CSMD3: variants seen among roughly 807,000 people sequenced by gnomAD.
CSMD3 encodes CUB and Sushi multiple domains 3, also known as CUB and sushi domain-containing protein 3.
A neutral mutation model predicts 435.2 loss-of-function variants in CSMD3; 177 were observed. That is an observed-to-expected ratio of 0.41 (90% CI 0.36 to 0.46). CSMD3 has a LOEUF of 0.46. Ranked by LOEUF, CSMD3 falls within the 20% of genes least tolerant of loss-of-function variation. The pLI, the probability that CSMD3 is intolerant of heterozygous loss-of-function variation, is 0.34. For missense variants in CSMD3, 4,265 were observed against 4,504.6 expected, an observed-to-expected ratio of 0.95 and a Z score of 1.52; for synonymous variants, 1,656 against 1,520.5, an observed-to-expected ratio of 1.09 and a Z score of -2.07.
At chr8:112,468,261 A>G (rs891361392) in intron 32 of CSMD3, among the ~76,000 whole-genome samples, 1 of 124,048 alleles carries the variant, frequency 8.1e-6, no homozygotes, top group African/African-American at 3.2e-5. Context: ...TTTTTTACCA[A>G]TTGATCCACC....
At chr8:113,262,697 A>G (rs1476002130) in intron 3 of CSMD3, among the ~76,000 whole-genome samples, 4 of 152,034 alleles carry the variant, frequency 2.6e-5, no homozygotes, top group Admixed American at 6.6e-5. Context: ...AGCCTCTAAA[A>G]CGTAAGAAAA....
intron 4 of CSMD3, among the ~76,000 whole-genome samples, chr8:113,168,519 C>CAAAAA (rs71281204): frequency 1.2e-4 from 2 of 17,018 alleles, no homozygotes; most frequent in African/African-American, 3.8e-4. Context: ...GACTCTGTCT[C>CAAAAA]AAAAAAAAAA....
chr8:113,063,880 A>G (rs1008506201), intron 5 of CSMD3, among the ~76,000 whole-genome samples: 1 of 151,834 alleles, frequency 6.6e-6, no homozygotes, highest in East Asian at 1.9e-4. Flanking sequence ...CAGCAAATAG[A>G]TGATAGTAAT....
rs191397136 is a variant in CSMD3, at chr8:112,832,912, T to C, written c.1756-3123A>G. Among the ~76,000 whole-genome samples, 8 of 152,302 alleles carry C rather than the reference T, an allele frequency of 5.3e-5. No homozygotes were observed. In the East Asian group the frequency reaches 1.5e-3, roughly 29 times the overall value. ...AGTTGTCTCAATACTTTTTATTTAA[T>C]AAATAGCCCTTCTTTCTCCAATGAT... On this transcript the variant is annotated intron_variant, in intron 11 of 70. Coordinates refer to ENST00000297405, the MANE Select transcript of CSMD3 (RefSeq NM_198123.2).
intron 13 of CSMD3, among the ~76,000 whole-genome samples, chr8:112,747,668 A>G (rs2077464224): frequency 6.6e-6 from 1 of 152,180 alleles, no homozygotes; most frequent in Non-Finnish European, 1.5e-5. Flanking sequence ...CTGTGTCTCT[A>G]TAAAACTTTA....
intron 10 of CSMD3, among the ~76,000 whole-genome samples, chr8:112,859,502 G>A (rs566269673): frequency 1.3e-4 from 19 of 151,630 alleles, no homozygotes; most frequent in Non-Finnish European, 2.5e-4. Context: ...AGAAATTTGA[G>A]GGCATGATAA....
At chr8:112,283,263 T>C (rs1395098698) in intron 58 of CSMD3, among the ~76,000 whole-genome samples, 3 of 151,936 alleles carry the variant, frequency 2.0e-5, no homozygotes, top group Non-Finnish European at 4.4e-5. Context: ...AATTGAATTT[T>C]TTTTTGTGAT....
At chr8:112,234,343 A>G in intron 68 of CSMD3, 22 bp downstream of exon 68, 1 of 1,417,950 alleles carries the variant, frequency 7.1e-7, no homozygotes. Context: ...TCAGCAGCAG[A>G]TGTTAAAATA....
chr8:113,378,649 G>A (rs886418567), intron 1 of CSMD3, among the ~76,000 whole-genome samples: 11 of 152,122 alleles, frequency 7.2e-5, no homozygotes, highest in African/African-American at 2.2e-4. Context: ...GAATGTCTAC[G>A]TGCAAGAATG....
chr8:113,186,358 AAAC>A (rs2092501749), intron 3 of CSMD3, among the ~76,000 whole-genome samples: 1 of 151,998 alleles, frequency 6.6e-6, no homozygotes, highest in Non-Finnish European at 1.5e-5. Context: ...ACTGATGGAA[AAAC>A]AACATGTAAT....
Position 113,035,445 on chromosome 8 carries a change from G to C in CSMD3, c.918-16266C>G, listed in dbSNP as rs144944305. ...TTAATGACATTCTGAACAAAGACAA[G>C]ACTATACAAATGGAAATCAGAACAG... is the stretch of plus-strand genomic sequence containing the variant. On this transcript the variant is annotated intron_variant, in intron 5 of 70. Coordinates refer to ENST00000297405, the MANE Select transcript of CSMD3 (RefSeq NM_198123.2). Among the ~76,000 whole-genome samples the C allele has an allele frequency of 4.3e-3, 659 of 152,058 alleles. 1 individual carries two copies. Among genetic ancestry groups the C allele is most frequent in the Middle Eastern group, 0.014 (4 of 294 alleles).
At chr8:113,377,244 A>G (rs1563762174) in intron 1 of CSMD3, 2 of 626,776 alleles carry the variant, frequency 3.2e-6, no homozygotes, top group Non-Finnish European at 4.4e-6. Context: ...GGATACAAAA[A>G]CAAACCGTGG....
chr8:113,112,021 C>T (rs1007831368), intron 4 of CSMD3, among the ~76,000 whole-genome samples: 6 of 151,930 alleles, frequency 3.9e-5, no homozygotes, highest in African/African-American at 1.5e-4. Context: ...CCTTCTTCTT[C>T]TTCTTACTCC....
chr8:112,660,135 C>A (rs1266166483), intron 17 of CSMD3, among the ~76,000 whole-genome samples: 3 of 152,010 alleles, frequency 2.0e-5, no homozygotes, highest in Non-Finnish European at 4.4e-5. Context: ...AAAGAGTTGG[C>A]AACTAGTGTC....
At chr8:113,194,614 T>G (rs1327482735) in intron 3 of CSMD3, among the ~76,000 whole-genome samples, 2 of 151,298 alleles carry the variant, frequency 1.3e-5, no homozygotes, top group Non-Finnish European at 3.0e-5. Context: ...TGATACAGAA[T>G]GCTAATCCTG....
intron 13 of CSMD3, among the ~76,000 whole-genome samples, chr8:112,777,504 T>C (rs904264275): frequency 6.6e-6 from 1 of 151,834 alleles, no homozygotes; most frequent in Non-Finnish European, 1.5e-5. Flanking sequence ...CACGATTATT[T>C]TAAAAGGTGT....
intron 13 of CSMD3, among the ~76,000 whole-genome samples, chr8:112,776,666 A>C (rs1280676392): frequency 6.6e-6 from 1 of 151,768 alleles, no homozygotes; most frequent in Admixed American, 6.6e-5. Flanking sequence ...TGTGAGCTTG[A>C]CCAAAAATCC....
chr8:113,322,969 C>T (rs907659209), intron 1 of CSMD3, among the ~76,000 whole-genome samples: 1 of 152,094 alleles, frequency 6.6e-6, no homozygotes, highest in African/African-American at 2.4e-5. Flanking sequence ...TGGTCTCAAA[C>T]TCCTGACCTC....
intron 10 of CSMD3, among the ~76,000 whole-genome samples, chr8:112,888,204 A>T (rs557247480): frequency 3.7e-4 from 56 of 151,788 alleles, no homozygotes; most frequent in African/African-American, 1.3e-3. Flanking sequence ...AAACAAGTGG[A>T]AATGAAACAG....
Sources: gnomAD v4.1 joint callset for allele counts (sites outside exome capture counted in the v4.1 genomes callset) on GRCh38, gnomAD v4.1.1 for gene constraint, MANE v1.5 for transcripts, NCBI Gene and HGNC (gene_info 2026-07-23, HGNC 2026-07-21) for gene names.